Variants in USP49 observed in about 807,000 individuals in gnomAD.
The protein encoded by USP49 is ubiquitin carboxyl-terminal hydrolase 49.
Under a neutral mutation model 58.6 loss-of-function variants are expected in USP49, and 24 were observed. That is an observed-to-expected ratio of 0.41 (90% confidence interval 0.30 to 0.58). The LOEUF is 0.58. USP49 is among the 20% of genes least tolerant of loss of function. USP49 has a pLI of 0.30. For missense variants in USP49, 703 were observed against 866.1 expected (o/e 0.81, Z 2.36); for synonymous variants, 408 against 365.1 (o/e 1.12, Z -1.34).
rs372369394 is a variant in USP49, at chr6:41,797,262, C to A, written c.1877-539G>T. The stretch of plus-strand genomic sequence containing the variant: ...GGCGTGAGCCACCGCACCCAGCCGA[C>A]TGACTGCAATTTTTATCTTTGTTTT... On this transcript the variant is annotated intron_variant, in intron 7 of 7. Coordinates refer to ENST00000682992, the MANE Select transcript of USP49 (RefSeq NM_001286554.2). Among the ~76,000 whole-genome samples the A allele has an allele frequency of 3.3e-4, 51 of 152,312 alleles. No homozygotes were observed. In the South Asian group the frequency reaches 0.011, roughly 32 times the overall value.
chr6:41,892,472 T>C (rs1390811334), intron 1 of USP49, among the ~76,000 whole-genome samples: 4 of 152,180 alleles, frequency 2.6e-5, no homozygotes, highest in African/African-American at 4.8e-5. Flanking sequence ...GTGGCAAAAA[T>C]AGTAATTTTT....
intron 2 of USP49, among the ~76,000 whole-genome samples, chr6:41,879,831 A>C (rs1471088928): frequency 6.6e-6 from 1 of 152,240 alleles, no homozygotes; most frequent in Admixed American, 6.5e-5. Flanking sequence ...CCTGGTCAAG[A>C]GAAAAGCACA....
At chr6:41,820,176 CATT>C (rs1200601406) in intron 3 of USP49, among the ~76,000 whole-genome samples, 1 of 96,416 alleles carries the variant, frequency 1.0e-5, no homozygotes, top group Non-Finnish European at 2.2e-5. Flanking sequence ...CTAGCTACAT[CATT>C]AGTTTTTTTT....
At chr6:41,844,940 G>A (rs1311623497) in intron 3 of USP49, among the ~76,000 whole-genome samples, 2 of 151,904 alleles carry the variant, frequency 1.3e-5, no homozygotes, top group Non-Finnish European at 2.9e-5. Flanking sequence ...TCACTCTGTC[G>A]CCCAAGCTGG....
At chr6:41,877,565 A>ATT (rs34374721) in intron 2 of USP49, among the ~76,000 whole-genome samples, 10 of 138,422 alleles carry the variant, frequency 7.2e-5, no homozygotes, top group South Asian at 2.4e-4. Flanking sequence ...ATGGGATCCC[A>ATT]TTTTTTTTTT....
chr6:41,833,441 T>A (rs566117247), intron 3 of USP49, among the ~76,000 whole-genome samples: 3 of 152,210 alleles, frequency 2.0e-5, no homozygotes, highest in Non-Finnish European at 2.9e-5. Flanking sequence ...TTCTTTTGCT[T>A]CTCAGTAAAT....
At chr6:41,865,881 C>G (rs1353425073) in intron 3 of USP49, among the ~76,000 whole-genome samples, 2 of 142,160 alleles carry the variant, frequency 1.4e-5, no homozygotes, top group Non-Finnish European at 3.0e-5. Context: ...TGACCTCAAG[C>G]AATCCTCCCA....
chr6:41,872,673 C>A (rs577312183), intron 2 of USP49, among the ~76,000 whole-genome samples: 4 of 150,566 alleles, frequency 2.7e-5, no homozygotes, highest in African/African-American at 4.9e-5. Context: ...CCGAGACGGG[C>A]GGATCATGAG....
At chr6:41,878,770 C>T (rs1403369234) in intron 2 of USP49, among the ~76,000 whole-genome samples, 1 of 152,066 alleles carries the variant, frequency 6.6e-6, no homozygotes, top group African/African-American at 2.4e-5. Flanking sequence ...CTCCTAGATA[C>T]CATATTGTGT....
intron 3 of USP49, among the ~76,000 whole-genome samples, chr6:41,864,070 C>A (rs1467480768): frequency 2.0e-5 from 3 of 151,946 alleles, no homozygotes; most frequent in East Asian, 1.9e-4. Flanking sequence ...TGGCCATAAA[C>A]CTCAACAGAA....
chr6:41,860,166 G>A (rs1321774068), intron 3 of USP49, among the ~76,000 whole-genome samples: 1 of 152,168 alleles, frequency 6.6e-6, no homozygotes, highest in East Asian at 1.9e-4. Context: ...CCAGTATTCA[G>A]ACTGAGGGGA....
intron 3 of USP49, among the ~76,000 whole-genome samples, chr6:41,829,419 T>C (rs1288495750): frequency 6.6e-6 from 1 of 152,124 alleles, no homozygotes; most frequent in Admixed American, 6.6e-5. Flanking sequence ...GTTCAAGCGA[T>C]TCTCCTGCTT....
At chr6:41,800,550 T>C (rs553684097) in intron 5 of USP49, among the ~76,000 whole-genome samples, 1 of 152,340 alleles carries the variant, frequency 6.6e-6, no homozygotes, top group African/African-American at 2.4e-5. Context: ...AGGTTCCATG[T>C]CTTCACAATG....
chr6:41,855,183 C>CTT (rs567075350), intron 3 of USP49, among the ~76,000 whole-genome samples: 2 of 143,096 alleles, frequency 1.4e-5, no homozygotes, highest in Non-Finnish European at 3.1e-5. Flanking sequence ...GCTATAGAGA[C>CTT]TTTTTTTTTT....
At chr6:41,851,823 C>T (rs1179899765) in intron 3 of USP49, among the ~76,000 whole-genome samples, 2 of 151,400 alleles carry the variant, frequency 1.3e-5, no homozygotes, top group African/African-American at 4.9e-5. Flanking sequence ...GGCATTGCGG[C>T]GGGCACCTGT....
At chr6:41,800,077 GAC>G in intron 5 of USP49, 139 bp from the exon 6 acceptor site, 1 of 691,298 alleles carries the variant, frequency 1.4e-6, no homozygotes, top group Non-Finnish European at 2.6e-6. Context: ...GGCGCAATGT[GAC>G]ACTCTTTATG....
chr6:41,833,257 C>A (rs1437741676), intron 3 of USP49, among the ~76,000 whole-genome samples: 1 of 151,632 alleles, frequency 6.6e-6, no homozygotes, highest in East Asian at 1.9e-4. Flanking sequence ...ACCTCATGAT[C>A]CGCCCGCCTC....
intron 3 of USP49, chr6:41,869,828 G>A (rs944220059): frequency 1.3e-5 from 2 of 152,166 alleles, no homozygotes; most frequent in African/African-American, 4.8e-5. Flanking sequence ...TGTGTAGCCT[G>A]CTTTACAAGA....
intron 3 of USP49, among the ~76,000 whole-genome samples, chr6:41,825,565 A>G (rs17706398): frequency 0.011 from 1,707 of 152,306 alleles, 15 homozygotes; most frequent in Non-Finnish European, 0.017. Context: ...TGAAATTATT[A>G]TATCAGTGAG....
Sources: gnomAD v4.1 joint callset for allele counts (sites outside exome capture counted in the v4.1 genomes callset) on GRCh38, gnomAD v4.1.1 for gene constraint, MANE v1.5 for transcripts, NCBI Gene and HGNC (gene_info 2026-07-23, HGNC 2026-07-21) for gene names.